LRP8: variants seen among roughly 807,000 people sequenced by gnomAD.
LRP8 encodes LDL receptor related protein 8, also known as low-density lipoprotein receptor-related protein 8.
In LRP8, 46 loss-of-function variants were observed where a neutral mutation model predicts 111.6. The observed-to-expected ratio is 0.41, with a 90% CI of 0.33 to 0.53. The LOEUF is 0.53. LRP8 is among the 20% of genes least tolerant of loss of function. LRP8 has a pLI of 0.20. For missense variants in LRP8, 959 were observed against 1,297.4 expected, an observed-to-expected ratio of 0.74 and a Z score of 4.01; for synonymous variants, 464 against 511.2, an observed-to-expected ratio of 0.91 and a Z score of 1.24.
At position 53,275,057 on chromosome 1, in the gene LRP8, C is replaced by T. The variant is rs1024184646; in HGVS notation, c.1006+574G>A. 1.3e-5 allele frequency among the ~76,000 whole-genome samples: 2 copies of T among 152,176 alleles called. No individual in the cohort carries two copies. The highest frequency in any genetic ancestry group is 2.1e-4 in the South Asian group (1 of 4,828). Reference sequence around the variant, plus strand: ...AGCTGGGCAGGGCTGTGGGGATCTGCGTCTCATCTTGCAGGACTCAGGTCC... The same window carrying T: ...AGCTGGGCAGGGCTGTGGGGATCTGTGTCTCATCTTGCAGGACTCAGGTCC... On this transcript the variant is annotated intron_variant, in intron 6 of 18. Transcript: ENST00000306052. This position sits in a 1 kb window ranked among gnomAD's most constrained non-coding sequence, Gnocchi z 4.4.
Position 53,276,966 on chromosome 1 carries a change from G to A in LRP8, c.609C>T (p.Asp203=), listed in dbSNP as rs1039073254. 2.0e-6 allele frequency: 3 copies of A among 1,496,152 alleles called. No homozygotes were observed. In the East Asian group the frequency reaches 8.2e-5, roughly 41 times the overall value. 92.7% of individuals were successfully genotyped at this position (1,496,152 alleles called of 1,614,324 possible). A position where few individuals can be genotyped will look rare whatever the true frequency, so the allele number is the denominator to read the frequency against. The part of the protein sequence containing the change: ...GDGSDERGCA[D]PACGPREFRC... ...GGAACTCGCGGGGCCCGCAGGCCGG[G>A]TCTGCACAGCCGCGCTCATCGCTGC... Residue 203 remains aspartate, a synonymous_variant, in exon 5 of 19, where the codon GAC becomes GAT. Transcript: ENST00000306052.
At chr1:53,296,879 C>T (rs947524389) in intron 2 of LRP8, among the ~76,000 whole-genome samples, 1 of 152,196 alleles carries the variant, frequency 6.6e-6, no homozygotes, top group African/African-American at 2.4e-5. Flanking sequence ...GCCTGGAAAA[C>T]TATTTTTAAG....
At chr1:53,314,202 G>C (rs1232355239) in intron 2 of LRP8, among the ~76,000 whole-genome samples, 1 of 152,230 alleles carries the variant, frequency 6.6e-6, no homozygotes, top group Non-Finnish European at 1.5e-5. Context: ...GCAGGATCTG[G>C]GCGCTGCTGC....
intron 2 of LRP8, among the ~76,000 whole-genome samples, chr1:53,312,211 G>A (rs1030259921): frequency 6.6e-6 from 1 of 152,140 alleles, no homozygotes; most frequent in African/African-American, 2.4e-5. Flanking sequence ...TCACACAGCT[G>A]GGCTAGAGGC....
chr1:53,276,626 C>T, intron 5 of LRP8, 66 bp downstream of exon 5: 2 of 1,320,350 alleles, frequency 1.5e-6, no homozygotes, highest in Non-Finnish European at 2.0e-6. Flanking sequence ...CTGCACCTGG[C>T]GGATCCGGAT....
chr1:53,293,407 G>T lies in LRP8; in HGVS notation c.245-3718C>A, dbSNP rs1262598689. Among the ~76,000 whole-genome samples the T allele has an allele frequency of 6.6e-6, 1 of 152,196 alleles. No individual in the cohort carries two copies. Among genetic ancestry groups the T allele is most frequent in the Non-Finnish European group, 1.5e-5 (1 of 68,038 alleles). On this transcript the variant is annotated intron_variant, in intron 2 of 18. Coordinates refer to ENST00000306052, the MANE Select transcript of LRP8 (RefSeq NM_004631.5). This position sits in a 1 kb window ranked among gnomAD's most constrained non-coding sequence, Gnocchi z 4.9. The stretch of plus-strand genomic sequence containing the variant: ...TTGGAGATTTTCCACTCTGGCTCTG[G>T]CCTGGCACCTTTCACCCAATATCCC...
At chr1:53,327,083 A>G in intron 1 of LRP8, 91 bp from the exon 2 acceptor site, 1 of 1,539,928 alleles carries the variant, frequency 6.5e-7, no homozygotes, top group Non-Finnish European at 8.7e-7. Flanking sequence ...CCCGCTGGGG[A>G]GGAGGAAAGG....
Position 53,275,436 on chromosome 1 carries a change from T to A in LRP8, c.1006+195A>T, listed in dbSNP as rs1646887702. On this transcript the variant is annotated intron_variant, in intron 6 of 18. Transcript: ENST00000306052. The surrounding 1 kb of genome is among the most constrained non-coding windows in gnomAD (Gnocchi z 4.4). ...TAGGTGTCTTTCAGCTTTGGCAAAG[T>A]CCTTACAAATCCAGTTCTGGTGCTA... Among the ~76,000 whole-genome samples, 7 of 152,092 alleles carry A rather than the reference T, an allele frequency of 4.6e-5. No homozygotes were observed. In the South Asian group the frequency reaches 1.2e-3, roughly 27 times the overall value.
At chr1:53,290,114 A>G (rs1648402297) in intron 2 of LRP8, among the ~76,000 whole-genome samples, 3 of 151,244 alleles carry the variant, frequency 2.0e-5, no homozygotes, top group Admixed American at 2.0e-4. Context: ...GCGCCAGGGG[A>G]GTTTGTGATC....
At chr1:53,321,832 A>G (rs1654557886) in intron 2 of LRP8, among the ~76,000 whole-genome samples, 1 of 152,038 alleles carries the variant, frequency 6.6e-6, no homozygotes, top group African/African-American at 2.4e-5. Context: ...AGCAGACAGG[A>G]CAGAAGCCAG....
In LRP8 at chr1:53,262,663, A is replaced by T. The variant is rs1646389098; in HGVS notation, c.1656-99T>A. The T allele has an allele frequency of 6.5e-6, 6 of 921,098 alleles. No individual in the cohort carries two copies. The highest frequency in any genetic ancestry group is 1.1e-5 in the Non-Finnish European group (6 of 563,394). The allele number at this position is 921,098 out of a possible 1,614,324, so 57.1% of individuals were successfully genotyped here. On this transcript the variant is annotated intron_variant, in intron 10 of 18. Coordinates refer to ENST00000306052, the MANE Select transcript of LRP8 (RefSeq NM_004631.5). The surrounding 1 kb of genome is among the most constrained non-coding windows in gnomAD (Gnocchi z 4.8). ...ATAACCCATTGACTAGTTGTGGTTT[A>T]TGTTTAGTAGGGACTGAGAAGACCT...
chr1:53,270,120 A>G (rs550524528), intron 8 of LRP8, among the ~76,000 whole-genome samples: 1 of 152,138 alleles, frequency 6.6e-6, no homozygotes, highest in Admixed American at 6.5e-5. Context: ...TGTGATGTGT[A>G]TGTACACTTT....
At chr1:53,282,830 T>A (rs1219481215) in intron 3 of LRP8, among the ~76,000 whole-genome samples, 2 of 152,106 alleles carry the variant, frequency 1.3e-5, no homozygotes, top group East Asian at 3.9e-4. Context: ...TTCAATTCAC[T>A]ACGATAAAAG....
Position 53,313,921 on chromosome 1 carries a change from C to G in LRP8, c.244+12952G>C, listed in dbSNP as rs138502899. On this transcript the variant is annotated intron_variant, in intron 2 of 18. Coordinates refer to ENST00000306052, the MANE Select transcript of LRP8 (RefSeq NM_004631.5). ...ATGGGTTTGGAGGACAGAACAGAAA[C>G]TAGGCAGGGGCTGCTGCTGAGATCC... Among the ~76,000 whole-genome samples, 94 of 152,324 alleles carry G rather than the reference C, an allele frequency of 6.2e-4. 1 individual carries two copies. The East Asian group carries it at 0.013, about 20-fold the overall frequency.
At chr1:53,310,631 G>A (rs56148258) in intron 2 of LRP8, among the ~76,000 whole-genome samples, 1,684 of 152,306 alleles carry the variant, frequency 0.011, 13 homozygotes, top group Non-Finnish European at 0.018. Flanking sequence ...CTCTGAGGAC[G>A]CAGGATCAGC....
chr1:53,272,610 G>A, intron 6 of LRP8: 1 of 1,289,816 alleles, frequency 7.8e-7, no homozygotes, highest in Non-Finnish European at 1.0e-6. Flanking sequence ...TTACCCCTGG[G>A]CCTCCTCCTG....
intron 2 of LRP8, among the ~76,000 whole-genome samples, chr1:53,310,911 A>G (rs146385436): frequency 6.6e-6 from 1 of 152,234 alleles, no homozygotes; most frequent in East Asian, 1.9e-4. Flanking sequence ...AAGCCATACT[A>G]TAAAGACACA....
At chr1:53,295,774 G>A (rs1649600409) in intron 2 of LRP8, among the ~76,000 whole-genome samples, 1 of 152,194 alleles carries the variant, frequency 6.6e-6, no homozygotes, top group Non-Finnish European at 1.5e-5. Context: ...AGCCTTCCAA[G>A]CTTGTTTAAC....
chr1:53,270,825 C>T (rs1419749521), intron 8 of LRP8, among the ~76,000 whole-genome samples: 3 of 152,222 alleles, frequency 2.0e-5, no homozygotes, highest in Non-Finnish European at 4.4e-5. Flanking sequence ...CCTTAATAAA[C>T]CTTCGGCTTA....
Sources: gnomAD v4.1 joint callset for allele counts (sites outside exome capture counted in the v4.1 genomes callset) on GRCh38, gnomAD v4.1.1 for gene constraint, Gnocchi (gnomAD v3.1) non-coding constraint, MANE v1.5 for transcripts, NCBI Gene and HGNC (gene_info 2026-07-23, HGNC 2026-07-21) for gene names.